The following RTTN variants were observed in gnomAD, a reference collection of about 807,000 sequenced individuals.
RTTN encodes the protein rotatin.
A neutral mutation model predicts 269.2 loss-of-function variants in RTTN; 182 were observed. The ratio of observed to expected loss-of-function variants is 0.68; its 90% confidence interval spans 0.60 to 0.76. RTTN has a LOEUF of 0.76. Among genes scored for constraint, RTTN ranks in the 30% least tolerant of loss-of-function variants. The pLI is 0.00. For synonymous variants in RTTN, 1,006 were observed against 963.5 expected (o/e 1.04, Z -0.82); for missense variants, 2,545 against 2,608.6 (o/e 0.98, Z 0.53).
chr18:70,182,361 G>A lies in RTTN; in HGVS notation c.1306-5516C>T, dbSNP rs77210726. ...AGGATTTCAGACAGCCTGTAACAATGTTTAATTAAATATAGACCGACTTAC... is the reference window on the plus strand; with the variant it reads ...AGGATTTCAGACAGCCTGTAACAATATTTAATTAAATATAGACCGACTTAC... On this transcript the variant is annotated intron_variant, in intron 10 of 48. Coordinates refer to ENST00000640769, the MANE Select transcript of RTTN (RefSeq NM_173630.4). 5.8e-3 allele frequency among the ~76,000 whole-genome samples: 882 copies of A among 152,120 alleles called. 5 individuals are homozygous for A. Among genetic ancestry groups the A allele is most frequent in the African/African-American group, 0.014 (589 of 41,522 alleles).
At chr18:70,194,080 C>T (rs935426431) in intron 7 of RTTN, 1 of 152,026 alleles carries the variant, frequency 6.6e-6, no homozygotes, top group African/African-American at 2.4e-5. Flanking sequence ...AACCTAAAAC[C>T]CAGCAATAAA....
intron 28 of RTTN, among the ~76,000 whole-genome samples, chr18:70,105,064 G>C (rs1307189989): frequency 1.3e-5 from 2 of 152,010 alleles, no homozygotes; most frequent in Non-Finnish European, 2.9e-5. Context: ...GGTTTCTGCT[G>C]CCTTTTGTTC....
intron 27 of RTTN, among the ~76,000 whole-genome samples, chr18:70,112,483 C>CAAAAAAAAAAAAAA (rs36147576): frequency 3.1e-4 from 21 of 68,038 alleles, no homozygotes; most frequent in Non-Finnish European, 4.4e-4. Flanking sequence ...AAATGGAAAG[C>CAAAAAAAAAAAAAA]AAAAAAAAAA....
Position 70,205,287 on chromosome 18 carries a change from G to C in RTTN, c.60C>G (p.Arg20=). ...LGHQLAEIRE[R]ALKSILCKIE... is the part of the protein sequence containing the mutation. Reference sequence around the variant, plus strand: ...TCTTGCAGAGAATACTCTTGAGAGCGCGCTCCCTGATCTCGGCCAGCTGAT... The same window carrying C: ...TCTTGCAGAGAATACTCTTGAGAGCCCGCTCCCTGATCTCGGCCAGCTGAT... Residue 20 remains arginine (R), a synonymous_variant, in exon 2 of 49, where the codon CGC becomes CGG. Transcript: ENST00000640769. 1.2e-6 allele frequency: 2 copies of C among 1,614,206 alleles called. No individual in the cohort carries two copies. The highest frequency in any genetic ancestry group is 2.2e-5 in the South Asian group (2 of 91,090).
At chr18:70,195,922 T>C (rs2061793728) in intron 7 of RTTN, among the ~76,000 whole-genome samples, 1 of 152,174 alleles carries the variant, frequency 6.6e-6, no homozygotes. Flanking sequence ...TGAAACATGA[T>C]GACAAATGAC....
intron 43 of RTTN, among the ~76,000 whole-genome samples, chr18:70,025,300 T>A (rs1283924373): frequency 6.6e-6 from 1 of 152,138 alleles, no homozygotes; most frequent in African/African-American, 2.4e-5. Flanking sequence ...TAAATTACAG[T>A]TTTTGAGTAA....
chr18:70,020,930 G>A, intron 44 of RTTN, 113 bp from the exon 45 acceptor site: 1 of 813,360 alleles, frequency 1.2e-6, no homozygotes, highest in Non-Finnish European at 1.9e-6. Context: ...ATTAACCTGT[G>A]AACTGCAAAT....
At chr18:70,105,907 T>C (rs1048371917) in intron 28 of RTTN, among the ~76,000 whole-genome samples, 12 of 152,148 alleles carry the variant, frequency 7.9e-5, no homozygotes, top group East Asian at 1.9e-4. Flanking sequence ...ACAATATATA[T>C]GTATTATGTA....
chr18:70,014,094 A>T (rs994753476), intron 46 of RTTN, among the ~76,000 whole-genome samples: 1 of 152,228 alleles, frequency 6.6e-6, no homozygotes, highest in Non-Finnish European at 1.5e-5. Flanking sequence ...AACTTCCTAC[A>T]ATAATGGAAA....
chr18:70,057,063 G>A (rs1225934331), intron 37 of RTTN, among the ~76,000 whole-genome samples: 1 of 152,214 alleles, frequency 6.6e-6, no homozygotes, highest in Non-Finnish European at 1.5e-5. Context: ...CATGCGTGTA[G>A]CATTCCCAAA....
At chr18:70,089,781 G>A (rs536820790) in intron 30 of RTTN, among the ~76,000 whole-genome samples, 1 of 152,356 alleles carries the variant, frequency 6.6e-6, no homozygotes, top group East Asian at 1.9e-4. Context: ...GAACTTGTGA[G>A]CAATGAAATT....
At chr18:70,105,440 G>A (rs975615130) in intron 28 of RTTN, among the ~76,000 whole-genome samples, 92 of 152,308 alleles carry the variant, frequency 6.0e-4, no homozygotes, top group African/African-American at 2.1e-3. Context: ...GACCTCTTAC[G>A]CTTCCTGGGT....
chr18:70,195,024 A>G (rs956978002), intron 7 of RTTN, among the ~76,000 whole-genome samples: 11 of 152,222 alleles, frequency 7.2e-5, no homozygotes, highest in East Asian at 5.8e-4. Context: ...GAGGGGGAAA[A>G]AAAACTCTCC....
intron 5 of RTTN, among the ~76,000 whole-genome samples, 183 bp from the exon 6 acceptor site, chr18:70,197,921 G>A (rs929286981): frequency 1.3e-5 from 2 of 152,008 alleles, no homozygotes; most frequent in South Asian, 2.1e-4. Flanking sequence ...TGCTCCTTCC[G>A]TTTGTCCATT....
intron 3 of RTTN, 77 bp downstream of exon 3, chr18:70,204,009 A>G: frequency 8.4e-7 from 1 of 1,185,374 alleles, no homozygotes; most frequent in Non-Finnish European, 1.2e-6. Context: ...TCCTTTTTAA[A>G]AAAATCTAAT....
chr18:70,165,585 T>G (rs2060963641), intron 14 of RTTN, among the ~76,000 whole-genome samples: 1 of 152,002 alleles, frequency 6.6e-6, no homozygotes, highest in South Asian at 2.1e-4. Context: ...TATTGTCCTA[T>G]GTACAGTGTT....
chr18:70,158,302 T>C (rs533974227), intron 14 of RTTN, among the ~76,000 whole-genome samples: 1 of 152,178 alleles, frequency 6.6e-6, no homozygotes, highest in South Asian at 2.1e-4. Flanking sequence ...ATAATCAGCA[T>C]GCTTAAAGAA....
At chr18:70,148,286 T>A (rs1158049240) in intron 17 of RTTN, among the ~76,000 whole-genome samples, 1 of 152,132 alleles carries the variant, frequency 6.6e-6, no homozygotes, top group South Asian at 2.1e-4. Context: ...ATCTAACCAC[T>A]GTTACCTAAA....
chr18:70,190,613 G>C lies in RTTN; in HGVS notation c.1114C>G (p.Leu372Val), dbSNP rs1176155751. The C allele has an allele frequency of 6.2e-7, 1 of 1,613,680 alleles. No individual in the cohort carries two copies. The highest frequency in any genetic ancestry group is 8.5e-7 in the Non-Finnish European group (1 of 1,179,576). The change falls in exon 9 of 49, where the codon CTA becomes GTA. Residue 372 changes from leucine to valine, a missense_variant. Physicochemically the swap from Leu to Val is conservative, Grantham distance 32 (BLOSUM62 1). Transcript: ENST00000640769. ...PELETEDTLE[L>V]QFQQLSLPQF... Reference sequence around the variant, plus strand: ...GGAAGACTGAGCTGCTGGAATTGTAGTTCCAATGTGTCTTCAGTTTCCAGC... The same window carrying C: ...GGAAGACTGAGCTGCTGGAATTGTACTTCCAATGTGTCTTCAGTTTCCAGC...
Sources: allele counts gnomAD v4.1 joint callset (sites outside exome capture counted in the v4.1 genomes callset), GRCh38; gene constraint gnomAD v4.1.1; transcripts MANE v1.5; gene names NCBI Gene and HGNC (gene_info 2026-07-23, HGNC 2026-07-21).